SPEN: variants seen among roughly 807,000 people sequenced by gnomAD.
SPEN encodes spen family transcriptional repressor.
SPEN carries 18 observed loss-of-function variants against 269.9 expected under a neutral mutation model. The observed-to-expected ratio is 0.07, with a 90% CI of 0.05 to 0.10. The LOEUF is 0.10. SPEN is among the 10% of genes least tolerant of loss of function. SPEN has a pLI of 1.00. For missense variants in SPEN, 3,822 were observed against 4,631.2 expected, an observed-to-expected ratio of 0.83 and a Z score of 5.07; for synonymous variants, 1,726 against 1,765.7, an observed-to-expected ratio of 0.98 and a Z score of 0.56.
intron 3 of SPEN, among the ~76,000 whole-genome samples, chr1:15,907,575 T>G (rs2070972018): frequency 6.6e-6 from 1 of 152,146 alleles, no homozygotes; most frequent in Non-Finnish European, 1.5e-5. Flanking sequence ...GAGCTGTAGT[T>G]CTAGTGCAAA....
Position 15,911,091 on chromosome 1 carries a change from G to T in SPEN, c.1043-10G>T. Reference sequence around the variant, plus strand: ...AAGAATTAATAACTTGGTTTTTTTTGGGAATTTAGATACAAGCCTTAAAGA... The same window carrying T: ...AAGAATTAATAACTTGGTTTTTTTTTGGAATTTAGATACAAGCCTTAAAGA... On this transcript the variant is annotated splice_polypyrimidine_tract_variant and intron_variant, in intron 4 of 14. Transcript: ENST00000375759. 5.1e-6 allele frequency: 8 copies of T among 1,582,120 alleles called. No individual in the cohort carries two copies. The highest frequency in any genetic ancestry group is 2.8e-5 in the African/African-American group (2 of 72,534).
At chr1:15,876,130 A>G (rs1205840224) in intron 2 of SPEN, 72 bp from the exon 3 acceptor site, 16 of 1,162,146 alleles carry the variant, frequency 1.4e-5, no homozygotes, top group Non-Finnish European at 2.0e-5. Flanking sequence ...GCTGAAGTGA[A>G]TGTTTGCATG....
At position 15,929,385 on chromosome 1, in the gene SPEN, T is replaced by C. The variant is rs376717823; in HGVS notation, c.3145T>C (p.Ser1049Pro). 41 of 1,612,568 alleles carry C rather than the reference T, an allele frequency of 2.5e-5. No homozygotes were observed. The highest frequency in any genetic ancestry group is 3.5e-5 in the Non-Finnish European group (41 of 1,179,586). ...PVRKEILKRE[S>P]KKIKLDRLNT... ...GAGGAAAGAAATTCTTAAAAGAGAA[T>C]CTAAAAAAATCAAACTGGACAGACT... Residue 1049 changes from serine (S) to proline (P), a missense_variant, in exon 11 of 15, where the codon TCT becomes CCT. Around this residue, in one of 16 missense-constraint regions of SPEN, gnomAD observed 572 missense variants for 582.6 expected, o/e 0.98. Coordinates refer to ENST00000375759, the MANE Select transcript of SPEN (RefSeq NM_015001.3). The surrounding 1 kb of genome is among the most constrained non-coding windows in gnomAD (Gnocchi z 5.8).
chr1:15,910,917 CATG>C (rs1339434010), intron 4 of SPEN, among the ~76,000 whole-genome samples, 181 bp from the exon 5 acceptor site: 1 of 152,068 alleles, frequency 6.6e-6, no homozygotes, highest in Non-Finnish European at 1.5e-5. Context: ...GGTTCATAAG[CATG>C]ATGATTGGGT....
chr1:15,865,866 G>A (rs2070501095), intron 1 of SPEN, among the ~76,000 whole-genome samples: 1 of 151,224 alleles, frequency 6.6e-6, no homozygotes, highest in Non-Finnish European at 1.5e-5. Context: ...TGCTATATAG[G>A]AGTTGTAATT....
rs1487919994 is a variant in SPEN at position 15,932,293 on chromosome 1, G to A, written c.6053G>A (p.Gly2018Asp). 6.2e-7 allele frequency: 1 copy of A among 1,606,976 alleles called. No homozygotes were observed. The highest frequency in any genetic ancestry group is 1.3e-5 in the African/African-American group (1 of 74,272). The change falls in exon 11 of 15, where the codon GGC (glycine) becomes GAC (aspartate). Residue 2018 changes from glycine (G) to aspartate (D), a missense_variant. Around this residue, in one of 16 missense-constraint regions of SPEN, gnomAD observed 727 missense variants for 737.9 expected, o/e 0.99. Transcript: ENST00000375759. The surrounding 1 kb of genome is among the most constrained non-coding windows in gnomAD (Gnocchi z 4.2). ...CGTCCTGAGGCCACCACTGAGGTGG[G>A]CCCCCAAATAGGCGTGAAAGAGAGC... ...ATRPEATTEV[G>D]PQIGVKESSM... is the part of the protein sequence containing the mutation.
intron 3 of SPEN, among the ~76,000 whole-genome samples, chr1:15,902,274 A>G (rs2070909791): frequency 6.6e-6 from 1 of 152,202 alleles, no homozygotes; most frequent in African/African-American, 2.4e-5. Context: ...TTAGATTCTC[A>G]TAACCAATTC....
chr1:15,899,003 A>G lies in SPEN; in HGVS notation c.882-10318A>G, dbSNP rs139650469. Among the ~76,000 whole-genome samples, 1,218 of 152,212 alleles carry G rather than the reference A, an allele frequency of 8.0e-3. 15 individuals carry two copies. Among genetic ancestry groups the G allele is most frequent in the Non-Finnish European group, 8.8e-3 (596 of 68,014 alleles). ...AACATGCTATGAATGTGAGTGTACA[A>G]ATATCTAGTTGAGTTCCCGTCTTCA... On this transcript the variant is annotated intron_variant, in intron 3 of 14. Transcript: ENST00000375759.
intron 1 of SPEN, among the ~76,000 whole-genome samples, chr1:15,856,473 T>G (rs773411419): frequency 6.6e-6 from 1 of 152,088 alleles, no homozygotes; most frequent in Non-Finnish European, 1.5e-5. Context: ...ATCATATATA[T>G]TTTCATATTT....
Position 15,932,009 on chromosome 1 carries a change from C to T in SPEN, c.5769C>T (p.Pro1923=), listed in dbSNP as rs574715364. The T allele has an allele frequency of 1.1e-4, 183 of 1,614,184 alleles. No homozygotes were observed. Among genetic ancestry groups the T allele is most frequent in the South Asian group, 9.8e-4 (89 of 91,088 alleles). The change falls in exon 11 of 15, where the codon CCC becomes CCT. Residue 1923 remains proline, a synonymous_variant. Coordinates refer to ENST00000375759, the MANE Select transcript of SPEN (RefSeq NM_015001.3). The surrounding 1 kb of genome is among the most constrained non-coding windows in gnomAD (Gnocchi z 4.2). ...DHENRSPVKE[P]VEQPRVTRKR... is the part of the protein sequence containing the mutation. ...AAAACCGCTCTCCTGTCAAAGAGCC[C>T]GTTGAGCAACCAAGAGTGACCAGAA...
rs1190211642 is a variant in SPEN, at chr1:15,873,101, T to C, written c.369T>C (p.His123=). The C allele has an allele frequency of 3.1e-6, 5 of 1,613,824 alleles. No homozygotes were observed. Among genetic ancestry groups the C allele is most frequent in the Non-Finnish European group, 4.2e-6 (5 of 1,179,904 alleles). ...GPAYGPPPSL[H]AREGRYERRL... ...CTTATGGTCCCCCACCGTCACTTCA[T>C]GCACGAGAAGGACGTTATGAGCGGA... The change falls in exon 2 of 15, where the codon CAT becomes CAC. Residue 123 remains histidine, a synonymous_variant. Transcript: ENST00000375759.
chr1:15,849,473 C>G (rs377690921), intron 1 of SPEN, among the ~76,000 whole-genome samples: 1 of 152,254 alleles, frequency 6.6e-6, no homozygotes, highest in Non-Finnish European at 1.5e-5. Context: ...GAGCGCGCGT[C>G]TGCGCGTGTC....
chr1:15,851,677 C>T lies in SPEN; in HGVS notation c.83+3527C>T, dbSNP rs1314578230. Among the ~76,000 whole-genome samples the T allele has an allele frequency of 3.9e-5, 6 of 152,080 alleles. 1 individual carries two copies. The highest frequency in any genetic ancestry group is 3.9e-4 in the Admixed American group (6 of 15,286). ...TTATGCGGAGGTAAACTGAGGTAGC[C>T]CCTCGTGTAAAAATATTGTTAAAGA... On this transcript the variant is annotated intron_variant, in intron 1 of 14. Coordinates refer to ENST00000375759, the MANE Select transcript of SPEN (RefSeq NM_015001.3).
At chr1:15,859,139 A>AAT (rs2070415992) in intron 1 of SPEN, among the ~76,000 whole-genome samples, 1 of 46,614 alleles carries the variant, frequency 2.1e-5, no homozygotes, top group African/African-American at 1.4e-4. Flanking sequence ...TTTCTTTTTT[A>AAT]GTTTTTTTTT....
chr1:15,907,480 G>GA (rs1280593341), intron 3 of SPEN, among the ~76,000 whole-genome samples: 2 of 149,998 alleles, frequency 1.3e-5, no homozygotes, highest in African/African-American at 4.9e-5. Flanking sequence ...TGTCTCAAAA[G>GA]AAAAAAAAAG....
chr1:15,932,671 C>T lies in SPEN; in HGVS notation c.6431C>T (p.Pro2144Leu). The T allele has an allele frequency of 6.2e-7, 1 of 1,613,938 alleles. No homozygotes were observed. Among genetic ancestry groups the T allele is most frequent in the South Asian group, 1.1e-5 (1 of 91,060 alleles). ...CAGTTGAAAAGTGATCCAGTTGATCCAGACAAGGAACCAGAGAAAGAAGAC... is the reference window on the plus strand; with the variant it reads ...CAGTTGAAAAGTGATCCAGTTGATCTAGACAAGGAACCAGAGAAAGAAGAC... ...SSQLKSDPVD[P>L]DKEPEKEDVS... The change falls in exon 11 of 15, where the codon CCA becomes CTA. Residue 2144 changes from proline (P) to leucine (L), a missense_variant. Pro to Leu is a moderately conservative substitution (Grantham distance 98). Coordinates refer to ENST00000375759, the MANE Select transcript of SPEN (RefSeq NM_015001.3). This position sits in a 1 kb window ranked among gnomAD's most constrained non-coding sequence, Gnocchi z 4.2.
At chr1:15,853,755 G>C (rs2070359057) in intron 1 of SPEN, among the ~76,000 whole-genome samples, 1 of 151,596 alleles carries the variant, frequency 6.6e-6, no homozygotes, top group South Asian at 2.1e-4. Flanking sequence ...TGCAACCTCT[G>C]CCTTCCCGGT....
intron 6 of SPEN, 141 bp from the exon 7 acceptor site, chr1:15,918,785 T>G: frequency 1.6e-6 from 1 of 621,296 alleles, no homozygotes; most frequent in Non-Finnish European, 2.7e-6. Flanking sequence ...ACCATTGTAT[T>G]AAGGTGTACA....
At chr1:15,926,321 AC>A (rs1312817307) in intron 10 of SPEN, among the ~76,000 whole-genome samples, 2 of 151,046 alleles carry the variant, frequency 1.3e-5, no homozygotes, top group African/African-American at 4.9e-5. Context: ...AATCGCTTGA[AC>A]CCCAGAGGTG....
Sources: gnomAD v4.1 joint callset for allele counts (sites outside exome capture counted in the v4.1 genomes callset) on GRCh38, gnomAD v4.1.1 for gene constraint, gnomAD v4.1.1 regional missense constraint, Gnocchi (gnomAD v3.1) non-coding constraint, MANE v1.5 for transcripts, NCBI Gene and HGNC (gene_info 2026-07-23, HGNC 2026-07-21) for gene names.